Variants in GDPD4 observed in about 807,000 individuals in gnomAD.
GDPD4 encodes the protein glycerophosphodiester phosphodiesterase domain containing 4, also known as glycerophosphodiester phosphodiesterase 6.
A neutral mutation model predicts 67.8 loss-of-function variants in GDPD4; 60 were observed. The observed-to-expected ratio is 0.88, with a 90% CI of 0.72 to 1.10. The LOEUF is 1.10. GDPD4 is among the 50% of genes least tolerant of loss of function. The pLI, the probability that GDPD4 is intolerant of heterozygous loss-of-function variation, is 0.00. For missense variants in GDPD4, 623 were observed against 613.9 expected (o/e 1.01, Z -0.16); for synonymous variants, 212 against 210.9 (o/e 1.00, Z -0.04).
intron 10 of GDPD4, among the ~76,000 whole-genome samples, chr11:77,265,064 A>G (rs1051430953): frequency 1.3e-5 from 2 of 152,096 alleles, no homozygotes; most frequent in Non-Finnish European, 2.9e-5. Flanking sequence ...TTCTTACCAC[A>G]ATTTGTCTCT....
chr11:77,299,260 C>A (rs1267416716), intron 1 of GDPD4, among the ~76,000 whole-genome samples: 1 of 152,094 alleles, frequency 6.6e-6, no homozygotes, highest in Non-Finnish European at 1.5e-5. Context: ...CATTAATTTG[C>A]CCAAAGATGG....
chr11:77,272,388 T>C (rs771099228), intron 5 of GDPD4, among the ~76,000 whole-genome samples: 1 of 152,188 alleles, frequency 6.6e-6, no homozygotes, highest in East Asian at 1.9e-4. Flanking sequence ...AAAAGTTGAA[T>C]TGCCAGAGTC....
At chr11:77,285,269 C>A in intron 2 of GDPD4, 82 bp from the exon 3 acceptor site, 2 of 693,294 alleles carry the variant, frequency 2.9e-6, no homozygotes, top group South Asian at 3.7e-5. Flanking sequence ...TGCCAAAGGT[C>A]AGCATAGTTG....
At chr11:77,258,053 T>C (rs1315865631) in intron 11 of GDPD4, among the ~76,000 whole-genome samples, 1 of 152,166 alleles carries the variant, frequency 6.6e-6, no homozygotes, top group African/African-American at 2.4e-5. Flanking sequence ...AAATCAAAAA[T>C]ATATGTCCTA....
At chr11:77,291,812 A>C (rs906884641) in intron 1 of GDPD4, among the ~76,000 whole-genome samples, 24 of 152,094 alleles carry the variant, frequency 1.6e-4, no homozygotes, top group African/African-American at 5.3e-4. Context: ...AGGCGGATCA[A>C]CTGAGGTCGG....
In GDPD4 at chr11:77,248,674, G is replaced by A. The variant is rs971793865; in HGVS notation, c.865-3172C>T. Reference sequence around the variant, plus strand: ...TATTACTTTGAGACCATTGTCAGAAGAACATCTCTTTCTTCTCTATGGCAC... The same window carrying A: ...TATTACTTTGAGACCATTGTCAGAAAAACATCTCTTTCTTCTCTATGGCAC... On this transcript the variant is annotated intron_variant, in intron 11 of 16. Coordinates refer to ENST00000315938, the MANE Select transcript of GDPD4 (RefSeq NM_182833.3). Among the ~76,000 whole-genome samples, 16 of 151,998 alleles carry A rather than the reference G, an allele frequency of 1.1e-4. No homozygotes were observed. In the South Asian group the frequency reaches 3.1e-3, roughly 30 times the overall value.
Position 77,279,540 on chromosome 11 carries a change from T to TTTTTTTTTTTTTTTTGAGAC in GDPD4, c.54-142_54-141insGTCTCAAAAAAAAAAAAAAA. ...GAAGCAGTGTGTGAACAGCAGCTTT[T>TTTTTTTTTTTTTTTTGAGAC]GCGGATAATTATATGAGGAGTTTTA... On this transcript the variant is annotated intron_variant, in intron 3 of 16. Transcript: ENST00000315938. 4 of 520,158 alleles carry TTTTTTTTTTTTTTTTGAGAC rather than the reference T, an allele frequency of 7.7e-6. 1 individual carries two copies. The highest frequency in any genetic ancestry group is 1.9e-5 in the African/African-American group (1 of 53,452). 32.2% of individuals were successfully genotyped at this position (520,158 alleles called of 1,614,324 possible). A position where few individuals can be genotyped will look rare whatever the true frequency, so the allele number is the denominator to read the frequency against.
intron 16 of GDPD4, among the ~76,000 whole-genome samples, chr11:77,227,004 C>T (rs1335121011): frequency 6.6e-6 from 1 of 152,154 alleles, no homozygotes; most frequent in Non-Finnish European, 1.5e-5. Context: ...AAATTAAATT[C>T]ATGATTTTGT....
Position 77,243,674 on chromosome 11 carries a change from A to G in GDPD4, c.1241+20T>C. On this transcript the variant is annotated intron_variant, in intron 13 of 16. Coordinates refer to ENST00000315938, the MANE Select transcript of GDPD4 (RefSeq NM_182833.3). ...TAAGTAAGGCAATATGTGCCAAGAG[A>G]GGTGTGGTCAAACACTTACCTTAAC... 1 of 1,597,650 alleles carries G rather than the reference A, an allele frequency of 6.3e-7. No individual in the cohort carries two copies. Among genetic ancestry groups the G allele is most frequent in the Non-Finnish European group, 8.6e-7 (1 of 1,165,478 alleles).
intron 10 of GDPD4, 71 bp downstream of exon 10, chr11:77,268,386 C>G: frequency 9.6e-7 from 1 of 1,041,836 alleles, no homozygotes; most frequent in South Asian, 1.3e-5. Flanking sequence ...CAACCTCAGG[C>G]CAGGCTGGTT....
chr11:77,250,326 G>A (rs113251743), intron 11 of GDPD4, among the ~76,000 whole-genome samples: 6 of 152,246 alleles, frequency 3.9e-5, no homozygotes, highest in African/African-American at 1.4e-4. Context: ...ACTTATAAGT[G>A]AGAACATGCA....
At chr11:77,265,561 G>A (rs1239676605) in intron 10 of GDPD4, among the ~76,000 whole-genome samples, 1 of 152,034 alleles carries the variant, frequency 6.6e-6, no homozygotes. Flanking sequence ...TCCCCTAATA[G>A]TAACATCTTG....
At chr11:77,257,507 C>T (rs1479064014) in intron 11 of GDPD4, among the ~76,000 whole-genome samples, 2 of 134,884 alleles carry the variant, frequency 1.5e-5, no homozygotes, top group African/African-American at 5.0e-5. Context: ...ACTTCCTACC[C>T]CTCTTCCTTC....
intron 11 of GDPD4, among the ~76,000 whole-genome samples, chr11:77,247,535 A>G (rs149484565): frequency 6.6e-6 from 1 of 152,342 alleles, no homozygotes; most frequent in East Asian, 1.9e-4. Flanking sequence ...TGGAATGGAT[A>G]AATGCCTGTT....
chr11:77,263,927 T>A (rs1358719727), intron 10 of GDPD4, among the ~76,000 whole-genome samples: 2 of 152,060 alleles, frequency 1.3e-5, no homozygotes, highest in African/African-American at 4.8e-5. Flanking sequence ...CAAACAAGCT[T>A]ATTGGGATCT....
intron 16 of GDPD4, 102 bp from the exon 17 acceptor site, chr11:77,217,416 T>C: frequency 1.0e-6 from 1 of 965,676 alleles, no homozygotes; most frequent in South Asian, 1.3e-5. Flanking sequence ...GCCACTCCCT[T>C]ACCCTTTCAG....
intron 16 of GDPD4, among the ~76,000 whole-genome samples, chr11:77,217,755 GA>G (rs370325504): frequency 2.6e-5 from 4 of 151,028 alleles, no homozygotes; most frequent in East Asian, 1.9e-4. Context: ...CTGTCCAACA[GA>G]AAAAAAAATT....
rs1326967464 is a variant in GDPD4 at position 77,252,067 on chromosome 11, T to TG, written c.864+6318_864+6319insC. 1.7e-3 allele frequency among the ~76,000 whole-genome samples: 79 copies of TG among 45,306 alleles called. 2 individuals carry two copies. The highest frequency in any genetic ancestry group is 4.7e-3 in the Non-Finnish European group (44 of 9,326). 29.7% of individuals were successfully genotyped at this position (45,306 alleles called of 152,430 possible). A position where few individuals can be genotyped will look rare whatever the true frequency, so the allele number is the denominator to read the frequency against. On this transcript the variant is annotated intron_variant, in intron 11 of 16. Coordinates refer to ENST00000315938, the MANE Select transcript of GDPD4 (RefSeq NM_182833.3). ...TTTTGTTTGTTTGTTTTTTTTTTGT[T>TG]TTTTTTTTTTTTTTGAGACAGAGTC...
At chr11:77,239,731 C>A (rs983103800) in intron 13 of GDPD4, among the ~76,000 whole-genome samples, 1 of 151,934 alleles carries the variant, frequency 6.6e-6, no homozygotes, top group African/African-American at 2.4e-5. Flanking sequence ...GGGGCTGAGG[C>A]GGGTGGATCA....
Sources: allele counts gnomAD v4.1 joint callset (sites outside exome capture counted in the v4.1 genomes callset), GRCh38; gene constraint gnomAD v4.1.1; transcripts MANE v1.5; gene names NCBI Gene and HGNC (gene_info 2026-07-23, HGNC 2026-07-21).